The following MUC5AC variants were observed in gnomAD, a reference collection of about 807,000 sequenced individuals.
MUC5AC encodes the protein mucin 5AC, oligomeric mucus/gel-forming.
In MUC5AC, 158 loss-of-function variants were observed where a neutral mutation model predicts 169.7. That is an observed-to-expected ratio of 0.93 (90% confidence interval 0.82 to 1.06). The LOEUF is 1.06. Ranked by LOEUF, MUC5AC falls within the 50% of genes least tolerant of loss-of-function variation. MUC5AC has a pLI of 0.00. For missense variants in MUC5AC, 4,359 were observed against 3,089.9 expected (o/e 1.41, Z -9.74); for synonymous variants, 1,975 against 1,237.0 (o/e 1.60, Z -12.52).
At position 1,195,222 on chromosome 11, in the gene MUC5AC, C is replaced by A; in HGVS notation, c.15401C>A (p.Pro5134His). Residue 5134 changes from proline to histidine, a missense_variant, in exon 36 of 49, where the codon CCC becomes CAC. Transcript: ENST00000621226. ...PTTVGSTTVG[P>H]TTPPAPCLPS... ...ACAGTTGGGTCTACCACGGTCGGGC[C>A]CACCACACCGCCTGCTCCGTGCCTG... The A allele has an allele frequency of 1.3e-6, 1 of 764,894 alleles. No individual in the cohort carries two copies. The highest frequency in any genetic ancestry group is 2.4e-6 in the Non-Finnish European group (1 of 417,776). 47.4% of individuals were successfully genotyped at this position (764,894 alleles called of 1,614,324 possible).
Position 1,192,095 on chromosome 11 carries a change from C to A in MUC5AC, c.13950C>A (p.Asp4650Glu), listed in dbSNP as rs1342342666. The stretch of plus-strand genomic sequence containing the variant: ...CATCCCCTGGACCCCACGGCGGGGA[C>A]AAGGAAACCTACAACAACATCATCA... ...DFPSPGPHGG[D>E]KETYNNIIRS... Residue 4650 changes from aspartate to glutamate, a missense_variant, in exon 31 of 49, where the codon GAC becomes GAA. Coordinates refer to ENST00000621226, the MANE Select transcript of MUC5AC (RefSeq NM_001304359.2). 1.2e-5 allele frequency: 9 copies of A among 764,954 alleles called. No homozygotes were observed. Among genetic ancestry groups the A allele is most frequent in the Non-Finnish European group, 1.9e-5 (8 of 417,888 alleles). The allele number at this position is 764,954 out of a possible 1,614,324, so 47.4% of individuals were successfully genotyped here.
At chr11:1,160,822 CAGG>C (rs1860121139) in intron 2 of MUC5AC, 133 bp downstream of exon 2, 6 of 847,040 alleles carry the variant, frequency 7.1e-6, no homozygotes, top group Non-Finnish European at 9.2e-6. Flanking sequence ...CCTGGGGGGA[CAGG>C]AGGACACCCC....
chr11:1,160,815 G>C, intron 2 of MUC5AC, 126 bp downstream of exon 2: 1 of 933,174 alleles, frequency 1.1e-6, no homozygotes, highest in Admixed American at 2.4e-5. Flanking sequence ...GACCAAACCT[G>C]GGGGGACAGG....
Position 1,168,667 on chromosome 11 carries a change from A to G in MUC5AC, c.1593A>G (p.Ser531=). 1 of 1,610,578 alleles carries G rather than the reference A, an allele frequency of 6.2e-7. No individual in the cohort carries two copies. The highest frequency in any genetic ancestry group is 1.7e-4 in the Middle Eastern group (1 of 6,050). The change falls in exon 14 of 49, where the codon TCA becomes TCG. Residue 531 remains serine, a synonymous_variant. Transcript: ENST00000621226. ...SAANVTIFRP[S]TFFIIAQTSL... ...CCAACGTCACCATCTTCAGACCCTC[A>G]ACCTTCTTCATCATCGCCCAGACCA...
Position 1,191,870 on chromosome 11 carries a change from C to G in MUC5AC, c.13725C>G (p.Thr4575=), listed in dbSNP as rs28443190. ...CTACTCCCAGCCCTGTTCCCACCAC[C>G]AGCACAACCTCTGCTCCTACAACCA... ...PGTTPSPVPT[T]STTSAPTTST... Residue 4575 remains threonine (T), a synonymous_variant, in exon 31 of 49, where the codon ACC becomes ACG. Transcript: ENST00000621226. The G allele has an allele frequency of 5.1e-5, 39 of 762,174 alleles. No individual in the cohort carries two copies. The highest frequency in any genetic ancestry group is 9.1e-5 in the Non-Finnish European group (38 of 417,322). The allele number at this position is 762,174 out of a possible 1,614,324, so 47.2% of individuals were successfully genotyped here.
Position 1,194,442 on chromosome 11 carries a change from G to A in MUC5AC, c.15007-45G>A, listed in dbSNP as rs114311760. 7.8e-4 allele frequency: 560 copies of A among 717,864 alleles called. 2 individuals carry two copies. The African/African-American group carries it at 8.0e-3, about 10-fold the overall frequency. 44.5% of individuals were successfully genotyped at this position (717,864 alleles called of 1,614,324 possible). ...GAGCCTGAGCAGCGGCTGACCGCCC[G>A]CCCGCCTGCCTTCTGACTTCCCGTC... On this transcript the variant is annotated intron_variant, in intron 34 of 48. Coordinates refer to ENST00000621226, the MANE Select transcript of MUC5AC (RefSeq NM_001304359.2).
chr11:1,174,800 G>C, intron 17 of MUC5AC, 82 bp from the exon 18 acceptor site: 1 of 457,262 alleles, frequency 2.2e-6, no homozygotes, highest in East Asian at 3.5e-5. Context: ...GAGGGTAGCC[G>C]AGAGGGCTGG....
At chr11:1,162,497 C>T (rs1347389071) in intron 4 of MUC5AC, 35 bp from the exon 5 acceptor site, 12 of 1,580,920 alleles carry the variant, frequency 7.6e-6, no homozygotes, top group Middle Eastern at 1.7e-4. Context: ...CTCCTCACTG[C>T]GCTCCCAGCC....
chr11:1,161,000 TC>T lies in MUC5AC; in HGVS notation c.151+318del, dbSNP rs555933495. Among the ~76,000 whole-genome samples the T allele has an allele frequency of 2.6e-3, 398 of 151,894 alleles. 1 individual carries two copies. The highest frequency in any genetic ancestry group is 8.8e-3 in the African/African-American group (366 of 41,432). Reference sequence around the variant, plus strand: ...TCTGGAGCTGGGTCCTGCCTTGGTGTCCCCCCCGTTCACCTCCTGACGCTTC... The same window carrying T: ...TCTGGAGCTGGGTCCTGCCTTGGTGTCCCCCCGTTCACCTCCTGACGCTTC... On this transcript the variant is annotated intron_variant, in intron 2 of 48. Coordinates refer to ENST00000621226, the MANE Select transcript of MUC5AC (RefSeq NM_001304359.2).
Position 1,163,999 on chromosome 11 carries a change from T to C in MUC5AC, c.789+8T>C. On this transcript the variant is annotated splice_region_variant and intron_variant, in intron 7 of 48. Transcript: ENST00000621226. ...AACTGCTCCACTGGCTTTGTAAGCC[T>C]TGGAGGGAACAGAGGGCCCAGCAGG... The C allele has an allele frequency of 1.2e-6, 2 of 1,609,634 alleles. No homozygotes were observed. The highest frequency in any genetic ancestry group is 2.2e-5 in the South Asian group (2 of 90,670).
chr11:1,174,783 G>T (rs966868297), intron 17 of MUC5AC, 99 bp from the exon 18 acceptor site: 58 of 454,748 alleles, frequency 1.3e-4, no homozygotes, highest in Non-Finnish European at 2.2e-4. Context: ...GGCCGAGGAG[G>T]GGAGGGGAGG....
rs1366253733 is a variant in MUC5AC, at chr11:1,193,643, T to C, written c.14739T>C (p.His4913=). 5 of 764,918 alleles carry C rather than the reference T, an allele frequency of 6.5e-6. No homozygotes were observed. Among genetic ancestry groups the C allele is most frequent in the Non-Finnish European group, 1.2e-5 (5 of 417,814 alleles). The allele number at this position is 764,918 out of a possible 1,614,324, so 47.4% of individuals were successfully genotyped here. ...TGGCTGACCAAGATGGCTGCTGCCA[T>C]CACTACCAGTGCCAGTGTGAGTGGA... ...VKVADQDGCC[H]HYQCQCVCSG... The change falls in exon 33 of 49, where the codon CAT becomes CAC. Residue 4913 remains histidine (H), a synonymous_variant. Coordinates refer to ENST00000621226, the MANE Select transcript of MUC5AC (RefSeq NM_001304359.2).
intron 19 of MUC5AC, among the ~76,000 whole-genome samples, chr11:1,175,697 T>C (rs1175289412): frequency 0.017 from 517 of 30,460 alleles, no homozygotes; most frequent in Middle Eastern, 0.04. Context: ...CACACACCCA[T>C]TCATACTCAT....
At chr11:1,175,827 T>C (rs1860666818) in intron 19 of MUC5AC, among the ~76,000 whole-genome samples, 2 of 1,318 alleles carry the variant, frequency 1.5e-3, no homozygotes, top group Non-Finnish European at 1.6e-3. Flanking sequence ...CCACACCCAC[T>C]CATGCACACG....
In MUC5AC at chr11:1,200,557, C is replaced by G; in HGVS notation, c.16820C>G (p.Thr5607Ser). The change falls in exon 49 of 49, where the codon ACC (threonine) becomes AGC (serine). Residue 5607 changes from threonine to serine, a missense_variant. Thr to Ser is a moderately conservative substitution (Grantham distance 58). Coordinates refer to ENST00000621226, the MANE Select transcript of MUC5AC (RefSeq NM_001304359.2). ...TDGSSRAFSY[T>S]EVEECGCMGR... ...GGCTCCAGCCGGGCCTTCAGCTACA[C>G]CGAGGTGGAAGAGTGCGGCTGCATG... 1 of 764,588 alleles carries G rather than the reference C, an allele frequency of 1.3e-6. No individual in the cohort carries two copies. The highest frequency in any genetic ancestry group is 1.3e-5 in the South Asian group (1 of 74,548). The allele number at this position is 764,588 out of a possible 1,614,324, so 47.4% of individuals were successfully genotyped here.
rs781481174 is a variant in MUC5AC at position 1,162,656 on chromosome 11, G to C, written c.588+10G>C. On this transcript the variant is annotated intron_variant, in intron 5 of 48. Transcript: ENST00000621226. Reference sequence around the variant, plus strand: ...CGATGACAGCCTGCTGGTGAGGCTGGGTGGGGGTGTCCCGGTGTGCAACTC... The same window carrying C: ...CGATGACAGCCTGCTGGTGAGGCTGCGTGGGGGTGTCCCGGTGTGCAACTC... 1 of 1,609,618 alleles carries C rather than the reference G, an allele frequency of 6.2e-7. No individual in the cohort carries two copies. Among genetic ancestry groups the C allele is most frequent in the Non-Finnish European group, 8.5e-7 (1 of 1,177,104 alleles).
At position 1,177,331 on chromosome 11, in the gene MUC5AC, A is replaced by C. The variant is rs962941683; in HGVS notation, c.2894A>C (p.Lys965Thr). 60 of 455,332 alleles carry C rather than the reference A, an allele frequency of 1.3e-4. No individual in the cohort carries two copies. Among genetic ancestry groups the C allele is most frequent in the Admixed American group, 1.6e-4 (5 of 30,680 alleles). 28.2% of individuals were successfully genotyped at this position (455,332 alleles called of 1,614,324 possible). Reference protein sequence around the residue: ...TTGTTCSKAIKIFLGGFELKL... With the variant: ...TTGTTCSKAITIFLGGFELKL... The stretch of plus-strand genomic sequence containing the variant: ...GGGACCACCTGCTCCAAGGCCATCA[A>C]GATTTTCCTGGGGGTGAGCGAGGCT... Residue 965 changes from lysine (K) to threonine (T), a missense_variant, in exon 23 of 49, where the codon AAG becomes ACG. Physicochemically the swap from Lys to Thr is moderately conservative, Grantham distance 78. Transcript: ENST00000621226.
chr11:1,159,279 C>T (rs374038317), intron 1 of MUC5AC, among the ~76,000 whole-genome samples: 1 of 152,152 alleles, frequency 6.6e-6, no homozygotes, highest in African/African-American at 2.4e-5. Context: ...GGGGTGCAGG[C>T]GAATCACAGC....
At position 1,187,279 on chromosome 11, in the gene MUC5AC, C is replaced by A. The variant is rs1444516909; in HGVS notation, c.9134C>A (p.Thr3045Asn). The A allele has an allele frequency of 7.2e-6, 5 of 697,352 alleles. No individual in the cohort carries two copies. The highest frequency in any genetic ancestry group is 1.3e-5 in the Non-Finnish European group (5 of 383,076). 43.2% of individuals were successfully genotyped at this position (697,352 alleles called of 1,614,324 possible). A position where few individuals can be genotyped will look rare whatever the true frequency, so the allele number is the denominator to read the frequency against. ...ACCTCTACCCCTACAAGCAGCACAA[C>A]CTCCTCTCCACAGACCAGCACAACC... ...STTSTPTSST[T>N]SSPQTSTTSA... Residue 3045 changes from threonine to asparagine, a missense_variant, in exon 31 of 49, where the codon ACC becomes AAC. Thr to Asn is a moderately conservative substitution (Grantham distance 65). Coordinates refer to ENST00000621226, the MANE Select transcript of MUC5AC (RefSeq NM_001304359.2).
Sources: gnomAD v4.1 joint callset for allele counts (sites outside exome capture counted in the v4.1 genomes callset) on GRCh38, gnomAD v4.1.1 for gene constraint, MANE v1.5 for transcripts, NCBI Gene and HGNC (gene_info 2026-07-23, HGNC 2026-07-21) for gene names.